PHRF1: variants seen among roughly 807,000 people sequenced by gnomAD.
PHRF1 encodes the protein PHD and ring finger domains 1.
A neutral mutation model predicts 128.9 loss-of-function variants in PHRF1; 53 were observed. That is an observed-to-expected ratio of 0.41 (90% CI 0.33 to 0.52). The LOEUF (loss-of-function observed/expected upper bound fraction) is 0.52. Ranked by LOEUF, PHRF1 falls within the 20% of genes least tolerant of loss-of-function variation. PHRF1 has a pLI of 0.21. For synonymous variants in PHRF1, 1,178 were observed against 980.6 expected (o/e 1.20, Z -3.76); for missense variants, 2,503 against 2,284.5 (o/e 1.10, Z -1.95).
intron 14 of PHRF1, 109 bp from the exon 15 acceptor site, chr11:610,087 C>T (rs1856270618): frequency 7.3e-7 from 1 of 1,371,254 alleles, no homozygotes; most frequent in Non-Finnish European, 9.7e-7. Context: ...CTGAGGGCTG[C>T]TCTGTGGTCC....
In PHRF1 at chr11:607,557, G is replaced by A. The variant is rs1275407480; in HGVS notation, c.2101G>A (p.Gly701Arg). Residue 701 changes from glycine (G) to arginine (R), a missense_variant, in exon 14 of 18, where the codon GGG (glycine) becomes AGG (arginine). Coordinates refer to ENST00000264555, the MANE Select transcript of PHRF1 (RefSeq NM_001286581.2). ...CAGACGGGATGCGGCCCCGGCCCAC[G>A]GGCAGAGCATTGAGATCCCCAGTGC... is the stretch of plus-strand genomic sequence containing the variant. ...GGRRDAAPAH[G>R]QSIEIPSACI... 4.3e-6 allele frequency: 7 copies of A among 1,612,036 alleles called. No homozygotes were observed. Among genetic ancestry groups the A allele is most frequent in the Non-Finnish European group, 5.1e-6 (6 of 1,179,732 alleles).
At chr11:606,700 G>A (rs902415506) in intron 13 of PHRF1, 104 bp downstream of exon 13, 1 of 1,425,350 alleles carries the variant, frequency 7.0e-7, no homozygotes, top group East Asian at 2.4e-5. Flanking sequence ...TGTAGCTGAA[G>A]TTGGGGGGAC....
At chr11:598,307 T>C in intron 8 of PHRF1, 66 bp from the exon 9 acceptor site, 8 of 1,548,556 alleles carry the variant, frequency 5.2e-6, no homozygotes, top group Middle Eastern at 2.2e-4. Flanking sequence ...TGGGCTCCAT[T>C]TGGGGTCTGT....
At position 606,425 on chromosome 11, in the gene PHRF1, T is replaced by G. The variant is rs905932569; in HGVS notation, c.1455-17T>G. The G allele has an allele frequency of 6.5e-7, 1 of 1,537,224 alleles. No homozygotes were observed. The highest frequency in any genetic ancestry group is 2.0e-5 in the Admixed American group (1 of 51,094). On this transcript the variant is annotated splice_polypyrimidine_tract_variant and intron_variant, in intron 12 of 17. Coordinates refer to ENST00000264555, the MANE Select transcript of PHRF1 (RefSeq NM_001286581.2). Reference sequence around the variant, plus strand: ...GTGGGAGGCAGTGACGGCAGGGCCTTGGGTCTGTGCCCACAGGAGGCGCCT... The same window carrying G: ...GTGGGAGGCAGTGACGGCAGGGCCTGGGGTCTGTGCCCACAGGAGGCGCCT...
At chr11:578,618 G>C (rs1186937685) in intron 1 of PHRF1, among the ~76,000 whole-genome samples, 3 of 152,222 alleles carry the variant, frequency 2.0e-5, no homozygotes, top group South Asian at 2.1e-4. Flanking sequence ...GCCAGGAGCT[G>C]TTTGTTCACA....
intron 1 of PHRF1, among the ~76,000 whole-genome samples, chr11:578,327 G>C (rs1854004771): frequency 6.6e-6 from 1 of 152,244 alleles, no homozygotes; most frequent in Non-Finnish European, 1.5e-5. Context: ...CACGTAACCT[G>C]AACGTTCCTG....
chr11:591,249 G>C (rs1589873134), intron 4 of PHRF1, 135 bp from the exon 5 acceptor site: 2 of 772,266 alleles, frequency 2.6e-6, no homozygotes, highest in Non-Finnish European at 4.3e-6. Context: ...CTCCACTGCC[G>C]TGTTGCCAGC....
chr11:598,400 C>T lies in PHRF1; in HGVS notation c.922C>T (p.Leu308=). The T allele has an allele frequency of 6.2e-7, 1 of 1,610,840 alleles. No homozygotes were observed. Among genetic ancestry groups the T allele is most frequent in the Non-Finnish European group, 8.5e-7 (1 of 1,179,818 alleles). Residue 308 remains leucine, a synonymous_variant, in exon 9 of 18, where the codon CTG becomes TTG. Transcript: ENST00000264555. ...CACACCAGGGCGCCTCGGGTCTTCCCTGCTGGATGAAGCCATCGAGGCTGT... is the reference window on the plus strand; with the variant it reads ...CACACCAGGGCGCCTCGGGTCTTCCTTGCTGGATGAAGCCATCGAGGCTGT... ...QHTPGRLGSS[L]LDEAIEAVAT...
chr11:605,692 C>T lies in PHRF1; in HGVS notation c.1422C>T (p.Pro474=), dbSNP rs374393458. The change falls in exon 12 of 18, where the codon CCC becomes CCT. Residue 474 remains proline (P), a synonymous_variant. Coordinates refer to ENST00000264555, the MANE Select transcript of PHRF1 (RefSeq NM_001286581.2). ...LSRSALQSHQ[P]VARPVSVGLS... ...GGTCAGCCCTGCAGTCCCACCAGCCCGTGGCCAGGCCCGTCTCCGTGGGGC... is the reference window on the plus strand; with the variant it reads ...GGTCAGCCCTGCAGTCCCACCAGCCTGTGGCCAGGCCCGTCTCCGTGGGGC... The T allele has an allele frequency of 2.5e-5, 41 of 1,612,842 alleles. No individual in the cohort carries two copies. The highest frequency in any genetic ancestry group is 1.3e-4 in the South Asian group (12 of 91,080).
chr11:599,159 T>A (rs1012386070), intron 9 of PHRF1, among the ~76,000 whole-genome samples: 9 of 152,220 alleles, frequency 5.9e-5, no homozygotes, highest in Non-Finnish European at 1.3e-4. Flanking sequence ...TGTAGACGCA[T>A]GGACTCCTGC....
intron 13 of PHRF1, 36 bp from the exon 14 acceptor site, chr11:607,030 T>A (rs770064780): frequency 5.9e-6 from 9 of 1,530,268 alleles, no homozygotes; most frequent in Non-Finnish European, 6.1e-6. Context: ...GAAGAGTGGG[T>A]GGGAAATGAT....
Position 611,663 on chromosome 11 carries a change from C to A in PHRF1, c.4836C>A (p.Asn1612Lys), listed in dbSNP as rs374478171. The change falls in exon 18 of 18, where the codon AAC becomes AAA. Residue 1612 changes from asparagine to lysine, a missense_variant. Asn to Lys is a moderately conservative substitution (Grantham distance 94). Transcript: ENST00000264555. ...GCCACAGCAAGAGTGGAGAGATCAA[C>A]CCCGTGAAGGTGGCCAACCTGGTGA... is the stretch of plus-strand genomic sequence containing the variant. ...KICHSKSGEINPVKVANLVKA... is the reference protein window; with the variant it reads ...KICHSKSGEIKPVKVANLVKA... 1 of 1,613,182 alleles carries A rather than the reference C, an allele frequency of 6.2e-7. No individual in the cohort carries two copies. Among genetic ancestry groups the A allele is most frequent in the Non-Finnish European group, 8.5e-7 (1 of 1,179,852 alleles).
chr11:598,631 A>T (rs1033264698), intron 9 of PHRF1, 129 bp downstream of exon 9: 30 of 1,384,830 alleles, frequency 2.2e-5, no homozygotes, highest in Admixed American at 5.2e-5. Flanking sequence ...TTCTCTGCTG[A>T]AAACACTACA....
intron 9 of PHRF1, among the ~76,000 whole-genome samples, chr11:600,856 C>T (rs1459952044): frequency 6.6e-6 from 1 of 152,064 alleles, no homozygotes; most frequent in Non-Finnish European, 1.5e-5. Flanking sequence ...GTCCCAGCTA[C>T]ACGGGAGGCT....
chr11:596,206 G>A (rs750429223), intron 6 of PHRF1, among the ~76,000 whole-genome samples: 1 of 152,156 alleles, frequency 6.6e-6, no homozygotes, highest in Non-Finnish European at 1.5e-5. Context: ...TGGGGTCTTT[G>A]GGATGAAGTT....
intron 6 of PHRF1, among the ~76,000 whole-genome samples, chr11:595,164 A>C (rs1461663677): frequency 6.6e-6 from 1 of 152,170 alleles, no homozygotes; most frequent in Non-Finnish European, 1.5e-5. Flanking sequence ...CTCTACTAAA[A>C]ATAAAAAAAT....
chr11:581,472 T>G lies in PHRF1; in HGVS notation c.-21-20T>G, dbSNP rs1854195875. On this transcript the variant is annotated intron_variant, in intron 1 of 17. Coordinates refer to ENST00000264555, the MANE Select transcript of PHRF1 (RefSeq NM_001286581.2). Reference sequence around the variant, plus strand: ...CAGCCTGGGACAGTTTGGAAGTTGCTTGGCTCTTCTTTCTTTCAGAGCTGA... The same window carrying G: ...CAGCCTGGGACAGTTTGGAAGTTGCGTGGCTCTTCTTTCTTTCAGAGCTGA... 1 of 1,609,288 alleles carries G rather than the reference T, an allele frequency of 6.2e-7. No homozygotes were observed. The highest frequency in any genetic ancestry group is 1.3e-5 in the African/African-American group (1 of 74,814).
At chr11:591,604 C>G in intron 5 of PHRF1, 137 bp downstream of exon 5, 1 of 742,668 alleles carries the variant, frequency 1.3e-6, no homozygotes, top group Non-Finnish European at 2.1e-6. Context: ...AACTCAAGTG[C>G]CCCTTGTGGC....
In PHRF1 at chr11:591,412, C is replaced by G; in HGVS notation, c.449C>G (p.Thr150Ser). 1 of 1,609,846 alleles carries G rather than the reference C, an allele frequency of 6.2e-7. No individual in the cohort carries two copies. Among genetic ancestry groups the G allele is most frequent in the African/African-American group, 1.3e-5 (1 of 74,754 alleles). The change falls in exon 5 of 18, where the codon ACT (threonine) becomes AGT (serine). Residue 150 changes from threonine to serine, a missense_variant. Thr to Ser is a moderately conservative substitution (Grantham distance 58). Coordinates refer to ENST00000264555, the MANE Select transcript of PHRF1 (RefSeq NM_001286581.2). ...GCCAATTCCTGTCCAGTTGATCGAA[C>G]TCTATTTAAGTGCATTTGTATTCGA... is the stretch of plus-strand genomic sequence containing the variant. ...KNANSCPVDR[T>S]LFKCICIRAQ...
Sources: gnomAD v4.1 joint callset for allele counts (sites outside exome capture counted in the v4.1 genomes callset) on GRCh38, gnomAD v4.1.1 for gene constraint, MANE v1.5 for transcripts, NCBI Gene and HGNC (gene_info 2026-07-23, HGNC 2026-07-21) for gene names.